Variants in COL6A3 observed in about 807,000 individuals in gnomAD.
COL6A3 encodes the protein collagen type VI alpha 3 chain.
Under a neutral mutation model 274.1 loss-of-function variants are expected in COL6A3, and 137 were observed. The ratio of observed to expected loss-of-function variants is 0.50; its 90% CI spans 0.44 to 0.58. COL6A3 has a LOEUF of 0.58. COL6A3 is among the 20% of genes least tolerant of loss of function. The pLI is 0.00. For missense variants in COL6A3, 3,950 were observed against 4,124.9 expected, an observed-to-expected ratio of 0.96 and a Z score of 1.16; for synonymous variants, 1,650 against 1,650.6, an observed-to-expected ratio of 1.00 and a Z score of 0.01.
In COL6A3 at chr2:237,388,165, A is replaced by G. The variant is rs1265561913; in HGVS notation, c.729T>C (p.Ile243=). Reference sequence around the variant, plus strand: ...TGTTTGATCCATCAATAAGGAAAATAATGTCAGCAGAGTCTTGTGCTTTAA... The same window carrying G: ...TGTTTGATCCATCAATAAGGAAAATGATGTCAGCAGAGTCTTGTGCTTTAA... The part of the protein sequence containing the change: ...KDITAQDSAD[I]IFLIDGSNNT... The change falls in exon 4 of 44, where the codon ATT becomes ATC. Residue 243 remains isoleucine (I), a synonymous_variant. Coordinates refer to ENST00000295550, the MANE Select transcript of COL6A3 (RefSeq NM_004369.4). The G allele has an allele frequency of 1.2e-6, 2 of 1,614,150 alleles. No individual in the cohort carries two copies. The highest frequency in any genetic ancestry group is 1.7e-6 in the Non-Finnish European group (2 of 1,180,048).
chr2:237,351,459 A>G (rs1456407637), intron 26 of COL6A3, among the ~76,000 whole-genome samples: 2 of 152,238 alleles, frequency 1.3e-5, no homozygotes, highest in Non-Finnish European at 2.9e-5. Context: ...GCAGTTATTA[A>G]TGTACATATC....
At position 237,371,876 on chromosome 2, in the gene COL6A3, T is replaced by A. The variant is rs750951694; in HGVS notation, c.4141A>T (p.Ile1381Phe). 20 of 1,612,800 alleles carry A rather than the reference T, an allele frequency of 1.2e-5. No homozygotes were observed. Among genetic ancestry groups the A allele is most frequent in the Admixed American group, 1.2e-4 (7 of 59,878 alleles). Residue 1381 changes from isoleucine (I) to phenylalanine (F), a missense_variant, in exon 9 of 44, where the codon ATC (isoleucine) becomes TTC (phenylalanine). Transcript: ENST00000295550. The surrounding 1 kb of genome is among the most constrained non-coding windows in gnomAD (Gnocchi z 4.3). ...RNADQEELVK[I>F]SLSPEYVFSV... ...AACACATATTCGGGGCTCAGCGAGA[T>A]CTTCACCAGCTCCTCCTGGTCTGCG...
intron 37 of COL6A3, among the ~76,000 whole-genome samples, chr2:237,341,543 TAAAAAAAAAAAA>T (rs71039760): frequency 2.0e-5 from 1 of 49,098 alleles, no homozygotes; most frequent in African/African-American, 9.0e-5. Flanking sequence ...AGACTCTGTC[TAAAAAAAAAAAA>T]AAAAAAAAAA....
At chr2:237,348,044 T>G in intron 30 of COL6A3, among the ~76,000 whole-genome samples, 175 bp from the exon 31 acceptor site, 1 of 152,222 alleles carries the variant, frequency 6.6e-6, no homozygotes, top group East Asian at 1.9e-4. Context: ...TATTTGCAGA[T>G]GGTCTTAATT....
chr2:237,388,098 C>T lies in COL6A3; in HGVS notation c.796G>A (p.Val266Ile), dbSNP rs2078198275. ...VNFAVILDFLVNLLEKLPIGT... is the reference protein window; with the variant it reads ...VNFAVILDFLINLLEKLPIGT... ...ATTGGGAGTTTCTCAAGGAGATTTACAAGGAAGTCGAGAATGACTGCGAAA... is the reference window on the plus strand; with the variant it reads ...ATTGGGAGTTTCTCAAGGAGATTTATAAGGAAGTCGAGAATGACTGCGAAA... Residue 266 changes from valine to isoleucine, a missense_variant, in exon 4 of 44, where the codon GTA becomes ATA. Physicochemically the swap from Val to Ile is conservative, Grantham distance 29 (BLOSUM62 3). Around this residue, in one of 5 missense-constraint regions of COL6A3, gnomAD observed 1,934 missense variants for 1,984.3 expected, o/e 0.97. Transcript: ENST00000295550. The T allele has an allele frequency of 6.2e-7, 1 of 1,614,066 alleles. No individual in the cohort carries two copies. Among genetic ancestry groups the T allele is most frequent in the Non-Finnish European group, 8.5e-7 (1 of 1,180,050 alleles).
At chr2:237,376,086 G>A (rs942780803) in intron 7 of COL6A3, among the ~76,000 whole-genome samples, 4 of 152,162 alleles carry the variant, frequency 2.6e-5, no homozygotes, top group African/African-American at 9.7e-5. Context: ...AGTCACAAGT[G>A]GGTTAATGGG....
At chr2:237,342,374 A>G (rs2077004988) in intron 36 of COL6A3, 1 of 586,128 alleles carries the variant, frequency 1.7e-6, no homozygotes, top group African/African-American at 1.9e-5. Context: ...GCTGGAGTTC[A>G]TATCCCGTTC....
chr2:237,333,530 G>T lies in COL6A3; in HGVS notation c.9248C>A (p.Pro3083His), dbSNP rs760496428. 3.1e-6 allele frequency: 5 copies of T among 1,614,098 alleles called. No homozygotes were observed. The highest frequency in any genetic ancestry group is 2.5e-6 in the Non-Finnish European group (3 of 1,180,032). Reference sequence around the variant, plus strand: ...AGAAGCTGACCTTGCTGGCTGTGGAGGTGGGGGCTGAGATTTCTCTATAAA... The same window carrying T: ...AGAAGCTGACCTTGCTGGCTGTGGATGTGGGGGCTGAGATTTCTCTATAAA... ...SFSTKKSQPP[P>H]PQPARSASSS... The change falls in exon 42 of 44, where the codon CCT becomes CAT. Residue 3083 changes from proline to histidine, a missense_variant. By Grantham distance (77) the Pro-to-His change is moderately conservative. Coordinates refer to ENST00000295550, the MANE Select transcript of COL6A3 (RefSeq NM_004369.4).
At chr2:237,328,674 T>C (rs969160085) in intron 42 of COL6A3, 2 of 152,236 alleles carry the variant, frequency 1.3e-5, no homozygotes, top group African/African-American at 4.8e-5. Flanking sequence ...GGAAAACATA[T>C]TGATTGGAAA....
intron 42 of COL6A3, among the ~76,000 whole-genome samples, chr2:237,332,109 A>ATG (rs1201766472): frequency 1.2e-4 from 10 of 83,402 alleles, no homozygotes; most frequent in African/African-American, 5.4e-4. Flanking sequence ...ATATATATAT[A>ATG]TATATATATG....
Position 237,379,163 on chromosome 2 carries a change from T to C in COL6A3, c.1970A>G (p.Tyr657Cys), listed in dbSNP as rs1005233735. 1 of 1,614,174 alleles carries C rather than the reference T, an allele frequency of 6.2e-7. No individual in the cohort carries two copies. The highest frequency in any genetic ancestry group is 1.3e-5 in the African/African-American group (1 of 75,042). The change falls in exon 6 of 44, where the codon TAT (tyrosine) becomes TGT (cysteine). Residue 657 changes from tyrosine (Y) to cysteine (C), a missense_variant. Around this residue, in one of 5 missense-constraint regions of COL6A3, gnomAD observed 1,934 missense variants for 1,984.3 expected, o/e 0.97. Coordinates refer to ENST00000295550, the MANE Select transcript of COL6A3 (RefSeq NM_004369.4). ...TAGGTTCATTACAAAGTCGCGCACA[T>C]AAGGGAAATTGGTTTTTCCAACGTT... ...SANVGKTNFP[Y>C]VRDFVMNLVN...
rs1195550832 is a variant in COL6A3 at position 237,379,131 on chromosome 2, T to C, written c.2002A>G (p.Ser668Gly). Reference protein sequence around the residue: ...VRDFVMNLVNSLDIGNDNIRV... With the variant: ...VRDFVMNLVNGLDIGNDNIRV... ...ATATTGTCATTTCCAATATCAAGGC[T>C]GTTAACTAGGTTCATTACAAAGTCG... Residue 668 changes from serine to glycine, a missense_variant, in exon 6 of 44, where the codon AGC becomes GGC. Physicochemically the swap from Ser to Gly is moderately conservative, Grantham distance 56. Coordinates refer to ENST00000295550, the MANE Select transcript of COL6A3 (RefSeq NM_004369.4). 9 of 1,614,138 alleles carry C rather than the reference T, an allele frequency of 5.6e-6. No individual in the cohort carries two copies. Among genetic ancestry groups the C allele is most frequent in the Admixed American group, 1.7e-5 (1 of 60,012 alleles).
chr2:237,354,317 A>AG (rs1395858197), intron 24 of COL6A3, among the ~76,000 whole-genome samples: 1 of 127,488 alleles, frequency 7.8e-6, no homozygotes, highest in Non-Finnish European at 1.7e-5. Context: ...CGTCCTGGCC[A>AG]GATTTTTTTT....
At chr2:237,375,820 G>C (rs1254715400) in intron 7 of COL6A3, among the ~76,000 whole-genome samples, 1 of 152,212 alleles carries the variant, frequency 6.6e-6, no homozygotes, top group Non-Finnish European at 1.5e-5. Flanking sequence ...TGGGATTACA[G>C]GTGTGAGCCA....
At chr2:237,326,051 A>G (rs1273898256) in intron 42 of COL6A3, 1 of 202,482 alleles carries the variant, frequency 4.9e-6, no homozygotes, top group Non-Finnish European at 1.0e-5. Context: ...TCACTGGGCC[A>G]TTTGCCCTCC....
At chr2:237,395,876 A>G (rs4663743) in intron 2 of COL6A3, among the ~76,000 whole-genome samples, 1,850 of 152,246 alleles carry the variant, frequency 0.012, 66 homozygotes, top group Admixed American at 0.059. Context: ...TATCTATCTC[A>G]TTTCCAGATG....
rs141899816 is a variant in COL6A3, at chr2:237,362,023, C to T, written c.6064-192G>A. On this transcript the variant is annotated intron_variant, in intron 14 of 43. Coordinates refer to ENST00000295550, the MANE Select transcript of COL6A3 (RefSeq NM_004369.4). ...CAGCGAAGTCAGGAGGGCCCAGCTC[C>T]TGGCGGTCGGGGTGCAGATGGGAGG... Among the ~76,000 whole-genome samples, 163 of 152,270 alleles carry T rather than the reference C, an allele frequency of 1.1e-3. 1 individual carries two copies. In the East Asian group the frequency reaches 0.021, roughly 20 times the overall value.
rs952393805 is a variant in COL6A3 at position 237,333,344 on chromosome 2, A to G, written c.9328+106T>C. On this transcript the variant is annotated intron_variant, in intron 42 of 43. Transcript: ENST00000295550. ...AGAGCTGACGTGGACCTTTTCCCCCATAGAAGTCATGCCTGGGCTAAGACT... is the reference window on the plus strand; with the variant it reads ...AGAGCTGACGTGGACCTTTTCCCCCGTAGAAGTCATGCCTGGGCTAAGACT... 1.9e-5 allele frequency: 19 copies of G among 1,017,770 alleles called. No homozygotes were observed. In the East Asian group the frequency reaches 2.5e-4, roughly 13 times the overall value. 63.0% of individuals were successfully genotyped at this position (1,017,770 alleles called of 1,614,324 possible).
intron 1 of COL6A3, among the ~76,000 whole-genome samples, chr2:237,402,567 C>T (rs12613268): frequency 3.3e-5 from 5 of 152,088 alleles, no homozygotes; most frequent in African/African-American, 1.2e-4. Context: ...ACTAAACATC[C>T]TAAAGTGTGT....
Sources: allele counts gnomAD v4.1 joint callset (sites outside exome capture counted in the v4.1 genomes callset), GRCh38; gene constraint gnomAD v4.1.1; regional missense constraint gnomAD v4.1.1; non-coding constraint Gnocchi (gnomAD v3.1); transcripts MANE v1.5; gene names NCBI Gene and HGNC (gene_info 2026-07-23, HGNC 2026-07-21).